Variants in FBXL3 observed in about 807,000 individuals in gnomAD.
The protein encoded by FBXL3 is F-box and leucine rich repeat protein 3, also known as F-box/LRR-repeat protein 3.
A neutral mutation model predicts 37.9 loss-of-function variants in FBXL3; 14 were observed. That is an observed-to-expected ratio of 0.37 (90% confidence interval 0.24 to 0.58). FBXL3 has a LOEUF of 0.58. Among genes scored for constraint, FBXL3 ranks in the 20% least tolerant of loss-of-function variants. FBXL3 has a pLI of 0.74. For synonymous variants in FBXL3, 194 were observed against 180.1 expected, an observed-to-expected ratio of 1.08 and a Z score of -0.62; for missense variants, 327 against 511.1, an observed-to-expected ratio of 0.64 and a Z score of 3.47.
At chr13:77,017,792 A>G (rs1198251781) in intron 3 of FBXL3, 2 of 152,128 alleles carry the variant, frequency 1.3e-5, no homozygotes, top group Non-Finnish European at 2.9e-5. Flanking sequence ...TTCCACTGAA[A>G]CGACCACTTG....
intron 4 of FBXL3, among the ~76,000 whole-genome samples, chr13:77,008,219 A>G (rs2154035997): frequency 6.6e-6 from 1 of 152,380 alleles, no homozygotes; most frequent in African/African-American, 2.4e-5. Context: ...AAAACAGAGT[A>G]AGATAGAACC....
Position 77,005,940 on chromosome 13 carries a change from GTAATATAAAATGTTACCTAACTTAAA to G in FBXL3, c.*1179_*1204del, listed in dbSNP as rs1256368414. 1 of 152,436 alleles carries G rather than the reference GTAATATAAAATGTTACCTAACTTAAA, an allele frequency of 6.6e-6. No individual in the cohort carries two copies. The highest frequency in any genetic ancestry group is 1.5e-5 in the Non-Finnish European group (1 of 67,954). The allele number at this position is 152,436 out of a possible 1,614,324, so 9.4% of individuals were successfully genotyped here. On this transcript the variant is annotated 3_prime_UTR_variant, in exon 5 of 5. Coordinates refer to ENST00000355619, the MANE Select transcript of FBXL3 (RefSeq NM_012158.4). ...ATGGATTACTTTTATTCATATGAAA[GTAATATAAAATGTTACCTAACTTAAA>G]TAATATAAAATATCGGTTTAACCAA...
chr13:77,025,770 A>C (rs79316543), intron 1 of FBXL3, among the ~76,000 whole-genome samples: 221 of 151,494 alleles, frequency 1.5e-3, no homozygotes, highest in Non-Finnish European at 2.4e-3. Flanking sequence ...AGCCGTGTGC[A>C]TCGTTGTATT....
chr13:77,021,766 T>C lies in FBXL3; in HGVS notation c.95A>G (p.Gln32Arg). ...KKLRTTNEHSQTCDWGNLLQD... is the reference protein window; with the variant it reads ...KKLRTTNEHSRTCDWGNLLQD... ...AAGGAGATTACCCCAATCACAAGTCTGAGAATGCTCATTTGTAGTCCTCAG... is the reference window on the plus strand; with the variant it reads ...AAGGAGATTACCCCAATCACAAGTCCGAGAATGCTCATTTGTAGTCCTCAG... Residue 32 changes from glutamine (Q) to arginine (R), a missense_variant, in exon 2 of 5, where the codon CAG becomes CGG. By Grantham distance (43) the Gln-to-Arg change is conservative (BLOSUM62 1). Coordinates refer to ENST00000355619, the MANE Select transcript of FBXL3 (RefSeq NM_012158.4). 1 of 1,613,400 alleles carries C rather than the reference T, an allele frequency of 6.2e-7. No individual in the cohort carries two copies. The highest frequency in any genetic ancestry group is 2.2e-5 in the East Asian group (1 of 44,880).
intron 4 of FBXL3, chr13:77,010,775 AG>A (rs1478263510): frequency 2.6e-5 from 4 of 152,268 alleles, no homozygotes; most frequent in Non-Finnish European, 5.9e-5. Context: ...CAGAGCCTCC[AG>A]GTAAGAGCCC....
rs2034470459 is a variant in FBXL3 at position 77,007,399 on chromosome 13, G to A, written c.1033C>T (p.Arg345Trp). Reference sequence around the variant, plus strand: ...CGAATTAACTCTTCATCAAGTGGCCGTAATCCATTTGCACACACTACTAGT... The same window carrying A: ...CGAATTAACTCTTCATCAAGTGGCCATAATCCATTTGCACACACTACTAGT... ...VELVVCANGL[R>W]PLDEELIRIA... Residue 345 changes from arginine (R) to tryptophan (W), a missense_variant, in exon 5 of 5, where the codon CGG becomes TGG. By Grantham distance (101) the Arg-to-Trp change is moderately radical. Transcript: ENST00000355619. The A allele has an allele frequency of 1.9e-6, 3 of 1,614,032 alleles. No homozygotes were observed. Among genetic ancestry groups the A allele is most frequent in the Non-Finnish European group, 2.5e-6 (3 of 1,180,050 alleles).
At position 77,015,603 on chromosome 13, in the gene FBXL3, T is replaced by C. The variant is rs1249251716; in HGVS notation, c.472-23A>G. 5 of 1,439,034 alleles carry C rather than the reference T, an allele frequency of 3.5e-6. No individual in the cohort carries two copies. In the African/African-American group the frequency reaches 7.4e-5, roughly 21 times the overall value. The allele number at this position is 1,439,034 out of a possible 1,614,324, so 89.1% of individuals were successfully genotyped here. A position where few individuals can be genotyped will look rare whatever the true frequency, so the allele number is the denominator to read the frequency against. On this transcript the variant is annotated intron_variant, in intron 3 of 4. Coordinates refer to ENST00000355619, the MANE Select transcript of FBXL3 (RefSeq NM_012158.4). ...AGACTGAAAAGCAAAAAAAATAAAA[T>C]AAAAATTATTTCAATTTTTAGAAAT...
chr13:77,016,974 A>T (rs1254225957), intron 3 of FBXL3: 3 of 152,222 alleles, frequency 2.0e-5, no homozygotes, highest in Admixed American at 6.5e-5. Flanking sequence ...AAACTCAATT[A>T]TATCTTGTAC....
chr13:77,018,902 A>C (rs947443186), intron 2 of FBXL3, 180 bp from the exon 3 acceptor site: 1 of 499,200 alleles, frequency 2.0e-6, no homozygotes, highest in South Asian at 7.0e-5. Flanking sequence ...TCTTTCAATC[A>C]TCCACCCTCC....
intron 2 of FBXL3, among the ~76,000 whole-genome samples, chr13:77,020,869 C>T (rs1216426590): frequency 6.6e-6 from 1 of 152,156 alleles, no homozygotes; most frequent in Non-Finnish European, 1.5e-5. Context: ...GAAGCTGGGA[C>T]TATGGGACTA....
chr13:77,007,752 C>T lies in FBXL3; in HGVS notation c.680G>A (p.Arg227Lys). The T allele has an allele frequency of 6.2e-7, 1 of 1,610,858 alleles. No individual in the cohort carries two copies. The highest frequency in any genetic ancestry group is 8.5e-7 in the Non-Finnish European group (1 of 1,177,624). ...LCVADQCHGL[R>K]ELALNYHLLS... ...TAAGTGGTAGTTCAGGGCTAGTTCT[C>T]TTAAGCCGTGACACTGATCAGCCAC... The change falls in exon 5 of 5, where the codon AGA becomes AAA. Residue 227 changes from arginine (R) to lysine (K), a missense_variant. Transcript: ENST00000355619.
chr13:77,007,057 A>C lies in FBXL3; in HGVS notation c.*88T>G, dbSNP rs2034464199. On this transcript the variant is annotated 3_prime_UTR_variant, in exon 5 of 5. Coordinates refer to ENST00000355619, the MANE Select transcript of FBXL3 (RefSeq NM_012158.4). ...AGATATCAAATTTCTGTGCCACAAAATAGTAGAATTATATCAGAACTACAG... is the reference window on the plus strand; with the variant it reads ...AGATATCAAATTTCTGTGCCACAAACTAGTAGAATTATATCAGAACTACAG... The C allele has an allele frequency of 2.0e-6, 3 of 1,483,176 alleles. No homozygotes were observed. The highest frequency in any genetic ancestry group is 4.7e-5 in the East Asian group (2 of 42,232). The allele number at this position is 1,483,176 out of a possible 1,614,324, so 91.9% of individuals were successfully genotyped here. A position where few individuals can be genotyped will look rare whatever the true frequency, so the allele number is the denominator to read the frequency against.
chr13:77,016,783 G>T, intron 3 of FBXL3: 1 of 151,902 alleles, frequency 6.6e-6, no homozygotes, highest in South Asian at 2.0e-4. Flanking sequence ...CTCCTGCCTC[G>T]GCTTCCCAAA....
chr13:77,023,516 TAC>T (rs1395144591), intron 1 of FBXL3, among the ~76,000 whole-genome samples: 1 of 152,230 alleles, frequency 6.6e-6, no homozygotes, highest in Non-Finnish European at 1.5e-5. Flanking sequence ...TTTTATGTTT[TAC>T]ACATTTTCTT....
chr13:77,022,434 ACATTAGATTCT>A (rs1157047171), intron 1 of FBXL3, among the ~76,000 whole-genome samples: 1 of 152,186 alleles, frequency 6.6e-6, no homozygotes. Context: ...ATCAGCAGCT[ACATTAGATTCT>A]CATAGGAGTG....
At chr13:77,020,833 G>A (rs373455483) in intron 2 of FBXL3, among the ~76,000 whole-genome samples, 2 of 152,230 alleles carry the variant, frequency 1.3e-5, no homozygotes, top group African/African-American at 4.8e-5. Context: ...CTGGGCTCAT[G>A]CAATCTTCCC....
At chr13:77,026,065 T>G (rs946235533) in intron 1 of FBXL3, 6 of 533,672 alleles carry the variant, frequency 1.1e-5, no homozygotes, top group Non-Finnish European at 1.4e-5. Context: ...TAACAGAAAC[T>G]AAGTTACTTT....
In FBXL3 at chr13:77,007,251, T is replaced by G. The variant is rs2034467984; in HGVS notation, c.1181A>C (p.Glu394Ala). The G allele has an allele frequency of 2.5e-6, 4 of 1,614,130 alleles. No homozygotes were observed. In the African/African-American group the frequency reaches 4.0e-5, roughly 16 times the overall value. ...GGRLSQLSIM[E>A]EVLIPDQKYS... ...CTTTTGGTCAGGAATTAGTACTTCT[T>G]CCATAATGGATAATTGAGATAGGCG... The change falls in exon 5 of 5, where the codon GAA becomes GCA. Residue 394 changes from glutamate to alanine, a missense_variant. Glu to Ala is a moderately radical substitution (Grantham distance 107, BLOSUM62 -1). Coordinates refer to ENST00000355619, the MANE Select transcript of FBXL3 (RefSeq NM_012158.4).
rs530016538 is a variant in FBXL3, at chr13:77,006,826, G to A, written c.*319C>T. On this transcript the variant is annotated 3_prime_UTR_variant, in exon 5 of 5. Transcript: ENST00000355619. ...ATATAACATTTCAGAAAACCTATTA[G>A]TACTTCTTGGATATTATAACATATA... The A allele has an allele frequency of 5.6e-6, 6 of 1,069,228 alleles. No individual in the cohort carries two copies. The African/African-American group carries it at 8.3e-5, about 15-fold the overall frequency. 66.2% of individuals were successfully genotyped at this position (1,069,228 alleles called of 1,614,324 possible).
Sources: gnomAD v4.1 joint callset for allele counts (sites outside exome capture counted in the v4.1 genomes callset) on GRCh38, gnomAD v4.1.1 for gene constraint, MANE v1.5 for transcripts, NCBI Gene and HGNC (gene_info 2026-07-23, HGNC 2026-07-21) for gene names.